The following RASGRP4 variants were observed in gnomAD, a reference collection of about 807,000 sequenced individuals.
RASGRP4 encodes the protein RAS guanyl releasing protein 4.
Under a neutral mutation model 84.4 loss-of-function variants are expected in RASGRP4, and 52 were observed. The ratio of observed to expected loss-of-function variants is 0.62; its 90% CI spans 0.49 to 0.78. RASGRP4 has a LOEUF of 0.78. RASGRP4 is among the 30% of genes least tolerant of loss of function. The pLI is 0.00. For synonymous variants in RASGRP4, 356 were observed against 359.1 expected (o/e 0.99, Z 0.10); for missense variants, 760 against 886.9 (o/e 0.86, Z 1.82).
At chr19:38,423,114 T>G (rs921632824) in intron 1 of RASGRP4, among the ~76,000 whole-genome samples, 8 of 151,998 alleles carry the variant, frequency 5.3e-5, no homozygotes, top group African/African-American at 1.9e-4. Flanking sequence ...ACCCCTGGAA[T>G]CTCTTCTGTC....
rs1971609262 is a variant in RASGRP4, at chr19:38,418,606, G to A, written c.664-42C>T. 2 of 1,457,018 alleles carry A rather than the reference G, an allele frequency of 1.4e-6. No individual in the cohort carries two copies. Among genetic ancestry groups the A allele is most frequent in the East Asian group, 5.0e-5 (2 of 39,670 alleles). 90.3% of individuals were successfully genotyped at this position (1,457,018 alleles called of 1,614,324 possible). On this transcript the variant is annotated intron_variant, in intron 6 of 16. Coordinates refer to ENST00000615439, the MANE Select transcript of RASGRP4 (RefSeq NM_170604.3). The surrounding 1 kb of genome is among the most constrained non-coding windows in gnomAD (Gnocchi z 4.6). ...TGTCAAGGTGGGCCGTGGCGCTCAG[G>A]CCCTGCCCTTCCATGGCATCCAACT... is the stretch of plus-strand genomic sequence containing the variant.
Position 38,418,607 on chromosome 19 carries a change from C to T in RASGRP4, c.664-43G>A, listed in dbSNP as rs1354951953. 5 of 1,454,480 alleles carry T rather than the reference C, an allele frequency of 3.4e-6. No homozygotes were observed. Among genetic ancestry groups the T allele is most frequent in the East Asian group, 5.0e-5 (2 of 39,662 alleles). 90.1% of individuals were successfully genotyped at this position (1,454,480 alleles called of 1,614,324 possible). On this transcript the variant is annotated intron_variant, in intron 6 of 16. Coordinates refer to ENST00000615439, the MANE Select transcript of RASGRP4 (RefSeq NM_170604.3). This position sits in a 1 kb window ranked among gnomAD's most constrained non-coding sequence, Gnocchi z 4.6. ...GTCAAGGTGGGCCGTGGCGCTCAGG[C>T]CCTGCCCTTCCATGGCATCCAACTA...
At position 38,410,871 on chromosome 19, in the gene RASGRP4, G is replaced by A. The variant is rs780490310; in HGVS notation, c.1965+15C>T. 6 of 1,557,692 alleles carry A rather than the reference G, an allele frequency of 3.9e-6. No homozygotes were observed. The South Asian group carries it at 7.0e-5, about 18-fold the overall frequency. On this transcript the variant is annotated intron_variant, in intron 16 of 16. Coordinates refer to ENST00000615439, the MANE Select transcript of RASGRP4 (RefSeq NM_170604.3). ...CCCCTGTATCCACTTGGGGGTAGGG[G>A]CGGTTTCTCCTCACCGTATCTGTTT...
Position 38,409,119 on chromosome 19 carries a change from G to T in RASGRP4, c.*921C>A, listed in dbSNP as rs1263323011. ...CCTCTCTCTGTGGGGGCCAAGTCAGGGGTGTTGGGGTTTGTGAAGGGGTTG... is the reference window on the plus strand; with the variant it reads ...CCTCTCTCTGTGGGGGCCAAGTCAGTGGTGTTGGGGTTTGTGAAGGGGTTG... On this transcript the variant is annotated 3_prime_UTR_variant, in exon 17 of 17. Transcript: ENST00000615439. 5.1e-6 allele frequency: 2 copies of T among 392,158 alleles called. No individual in the cohort carries two copies. The highest frequency in any genetic ancestry group is 4.9e-5 in the East Asian group (1 of 20,210). The allele number at this position is 392,158 out of a possible 1,614,324, so 24.3% of individuals were successfully genotyped here.
intron 1 of RASGRP4, among the ~76,000 whole-genome samples, chr19:38,423,692 C>T (rs1286147151): frequency 1.3e-5 from 2 of 148,180 alleles, no homozygotes; most frequent in Admixed American, 1.3e-4. Flanking sequence ...CAAAAATTAG[C>T]CAGGCGTGGT....
Position 38,420,130 on chromosome 19 carries a change from C to A in RASGRP4, c.509+1G>T. On this transcript the variant is annotated splice_donor_variant, in intron 5 of 16. Transcript: ENST00000615439. LOFTEE classifies it high-confidence loss of function. ...AAGAGGGGAGCACAGGGCTGACTCACAGGTCAGAAGAGTCTCCCAGTCTTC... is the reference window on the plus strand; with the variant it reads ...AAGAGGGGAGCACAGGGCTGACTCAAAGGTCAGAAGAGTCTCCCAGTCTTC... The A allele has an allele frequency of 6.2e-7, 1 of 1,612,040 alleles. No homozygotes were observed. The highest frequency in any genetic ancestry group is 8.5e-7 in the Non-Finnish European group (1 of 1,178,966).
At chr19:38,421,605 G>A (rs968144517) in intron 2 of RASGRP4, among the ~76,000 whole-genome samples, 1 of 151,664 alleles carries the variant, frequency 6.6e-6, no homozygotes, top group Non-Finnish European at 1.5e-5. Flanking sequence ...CTAGCTACTC[G>A]GGAAGCTGAG....
rs1971286236 is a variant in RASGRP4 at position 38,412,116 on chromosome 19, GTTGTTGTTGTTGTTGTTT to G, written c.1680+538_1680+555del. 7.2e-6 allele frequency among the ~76,000 whole-genome samples: 1 copy of G among 138,046 alleles called. No homozygotes were observed. Among genetic ancestry groups the G allele is most frequent in the East Asian group, 2.0e-4 (1 of 5,082 alleles). The allele number at this position is 138,046 out of a possible 152,430, so 90.6% of individuals were successfully genotyped here. ...TGTTGTTGTTGTTGTTGTTGTTGTT[GTTGTTGTTGTTGTTGTTT>G]TTGAGACAGAATCTCGCTCTGTCAC... On this transcript the variant is annotated intron_variant, in intron 13 of 16. Transcript: ENST00000615439. The surrounding 1 kb of genome is among the most constrained non-coding windows in gnomAD (Gnocchi z 4.6).
At position 38,418,588 on chromosome 19, in the gene RASGRP4, G is replaced by A; in HGVS notation, c.664-24C>T. The stretch of plus-strand genomic sequence containing the variant: ...GGCTGGGAGCGAGGTGGGTGTCAAG[G>A]TGGGCCGTGGCGCTCAGGCCCTGCC... On this transcript the variant is annotated intron_variant, in intron 6 of 16. Transcript: ENST00000615439. The surrounding 1 kb of genome is among the most constrained non-coding windows in gnomAD (Gnocchi z 4.6). 1 of 1,487,718 alleles carries A rather than the reference G, an allele frequency of 6.7e-7. No homozygotes were observed. Among genetic ancestry groups the A allele is most frequent in the Non-Finnish European group, 9.0e-7 (1 of 1,116,822 alleles). 92.2% of individuals were successfully genotyped at this position (1,487,718 alleles called of 1,614,324 possible).
intron 8 of RASGRP4, among the ~76,000 whole-genome samples, chr19:38,416,291 C>T (rs960646520): frequency 7.2e-5 from 11 of 151,732 alleles, no homozygotes; most frequent in Middle Eastern, 3.4e-3. Context: ...TGGTAAAACC[C>T]TGTCTCTACT....
rs185310506 is a variant in RASGRP4, at chr19:38,411,077, C to T, written c.1852+38G>A. The T allele has an allele frequency of 4.1e-3, 6,585 of 1,609,450 alleles. 22 individuals are homozygous for T. Among genetic ancestry groups the T allele is most frequent in the Non-Finnish European group, 5.0e-3 (5,927 of 1,176,630 alleles). On this transcript the variant is annotated intron_variant, in intron 15 of 16. Transcript: ENST00000615439. ...GACCTTGGACTCAACCCCTTTCCCCCAGGCCCCTTCCCAGCACCGGTGTGC... is the reference window on the plus strand; with the variant it reads ...GACCTTGGACTCAACCCCTTTCCCCTAGGCCCCTTCCCAGCACCGGTGTGC...
At position 38,412,666 on chromosome 19, in the gene RASGRP4, G is replaced by T. The variant is rs777630648; in HGVS notation, c.1680+6C>A. 1.2e-6 allele frequency: 2 copies of T among 1,611,666 alleles called. No individual in the cohort carries two copies. Among genetic ancestry groups the T allele is most frequent in the African/African-American group, 1.3e-5 (1 of 74,906 alleles). On this transcript the variant is annotated splice_donor_region_variant and intron_variant, in intron 13 of 16. Coordinates refer to ENST00000615439, the MANE Select transcript of RASGRP4 (RefSeq NM_170604.3). The surrounding 1 kb of genome is among the most constrained non-coding windows in gnomAD (Gnocchi z 4.6). Reference sequence around the variant, plus strand: ...CCTAAGGGTGGTGATGGGGTGGGGTGCTCACGAAGCCACTGCAGCTGTCGC... The same window carrying T: ...CCTAAGGGTGGTGATGGGGTGGGGTTCTCACGAAGCCACTGCAGCTGTCGC...
chr19:38,410,168 C>G, intron 16 of RASGRP4, 72 bp from the exon 17 acceptor site: 1 of 1,225,970 alleles, frequency 8.2e-7, no homozygotes, highest in Middle Eastern at 1.9e-4. Flanking sequence ...AGACGCTTCA[C>G]TGCCAGGAAC....
At chr19:38,420,298 G>A in intron 4 of RASGRP4, 36 bp from the exon 5 acceptor site, 1 of 1,604,768 alleles carries the variant, frequency 6.2e-7, no homozygotes, top group Non-Finnish European at 8.5e-7. Flanking sequence ...ATGAGGCCGG[G>A]GGTGGCGAAG....
In RASGRP4 at chr19:38,410,501, C is replaced by T. The variant is rs564287844; in HGVS notation, c.1965+385G>A. Reference sequence around the variant, plus strand: ...AATCTCAGCTCACTACAGCCTCTGCCTCCCGGGCTCAAGTGATTCTCCTGC... The same window carrying T: ...AATCTCAGCTCACTACAGCCTCTGCTTCCCGGGCTCAAGTGATTCTCCTGC... On this transcript the variant is annotated intron_variant, in intron 16 of 16. Coordinates refer to ENST00000615439, the MANE Select transcript of RASGRP4 (RefSeq NM_170604.3). 1.3e-4 allele frequency among the ~76,000 whole-genome samples: 20 copies of T among 151,870 alleles called. No individual in the cohort carries two copies. In the South Asian group the frequency reaches 3.8e-3, roughly 29 times the overall value.
In RASGRP4 at chr19:38,422,135, G is replaced by A. The variant is rs749329021; in HGVS notation, c.42C>T (p.Cys14=). The part of the protein sequence containing the change: ...KDSKRKSHQE[C]TGKIGGRGRP... Reference sequence around the variant, plus strand: ...GGCCTCGCCCTCCTATTTTTCCGGTGCATTCCTGGTGGGACTTCCTGTGGG... The same window carrying A: ...GGCCTCGCCCTCCTATTTTTCCGGTACATTCCTGGTGGGACTTCCTGTGGG... Residue 14 remains cysteine (C), a synonymous_variant, in exon 2 of 17, where the codon TGC becomes TGT. Coordinates refer to ENST00000615439, the MANE Select transcript of RASGRP4 (RefSeq NM_170604.3). The A allele has an allele frequency of 1.2e-6, 2 of 1,610,882 alleles. No homozygotes were observed. Among genetic ancestry groups the A allele is most frequent in the Non-Finnish European group, 8.5e-7 (1 of 1,179,028 alleles).
intron 1 of RASGRP4, among the ~76,000 whole-genome samples, chr19:38,423,137 A>T (rs1282360847): frequency 1.3e-5 from 2 of 152,040 alleles, no homozygotes; most frequent in African/African-American, 4.8e-5. Context: ...CCCCAGGCAG[A>T]GGCATGGGAG....
chr19:38,422,696 T>C (rs1971813937), intron 1 of RASGRP4, among the ~76,000 whole-genome samples: 1 of 152,142 alleles, frequency 6.6e-6, no homozygotes, highest in South Asian at 2.1e-4. Context: ...CACCCCCAGA[T>C]GGGAGCATCC....
chr19:38,413,048 G>A lies in RASGRP4; in HGVS notation c.1418C>T (p.Ser473Phe). The change falls in exon 12 of 17, where the codon TCT becomes TTT. Residue 473 changes from serine (S) to phenylalanine (F), a missense_variant and splice_region_variant. Physicochemically the swap from Ser to Phe is radical, Grantham distance 155. Transcript: ENST00000615439. This position sits in a 1 kb window ranked among gnomAD's most constrained non-coding sequence, Gnocchi z 4.7. ...LGRHVEQLVE[S>F]VFKNYDPEGR... is the part of the protein sequence containing the mutation. ...TTCAGGGTCATAATTCTTGAACACA[G>A]ACTTCAGAGGAGTGTGGGGAAGCAG... The A allele has an allele frequency of 6.2e-7, 1 of 1,612,342 alleles. No individual in the cohort carries two copies. Among genetic ancestry groups the A allele is most frequent in the Non-Finnish European group, 8.5e-7 (1 of 1,178,350 alleles).
Sources: allele counts gnomAD v4.1 joint callset (sites outside exome capture counted in the v4.1 genomes callset), GRCh38; gene constraint gnomAD v4.1.1; non-coding constraint Gnocchi (gnomAD v3.1); transcripts MANE v1.5; gene names NCBI Gene and HGNC (gene_info 2026-07-23, HGNC 2026-07-21).